Variants in SHCBP1L observed in about 807,000 individuals in gnomAD.
SHCBP1L encodes the protein SHC binding and spindle associated 1 like, also known as testicular spindle-associated protein SHCBP1L.
A neutral mutation model predicts 62.5 loss-of-function variants in SHCBP1L; 67 were observed. The ratio of observed to expected loss-of-function variants is 1.07; its 90% CI spans 0.88 to 1.31. The LOEUF (loss-of-function observed/expected upper bound fraction) is 1.31. Ranked by LOEUF, SHCBP1L falls within the 40% of genes most tolerant of loss-of-function variation. The pLI is 0.00. For missense variants in SHCBP1L, 823 were observed against 809.8 expected, an observed-to-expected ratio of 1.02 and a Z score of -0.20; for synonymous variants, 284 against 289.4, an observed-to-expected ratio of 0.98 and a Z score of 0.19.
At chr1:182,952,470 T>G (rs1348547135) in intron 1 of SHCBP1L, 1 of 433,040 alleles carries the variant, frequency 2.3e-6, no homozygotes, top group Admixed American at 4.3e-5. Flanking sequence ...TTAGGAGCTC[T>G]CAGAAAATTC....
At chr1:182,946,474 A>G (rs996669264) in intron 2 of SHCBP1L, among the ~76,000 whole-genome samples, 3 of 151,598 alleles carry the variant, frequency 2.0e-5, no homozygotes, top group African/African-American at 7.3e-5. Context: ...GATATGCCTT[A>G]GCTGCCTGTG....
rs1289574350 is a variant in SHCBP1L at position 182,924,784 on chromosome 1, GAA to G, written c.1182+4861_1182+4862del. On this transcript the variant is annotated intron_variant, in intron 6 of 9. Coordinates refer to ENST00000367547, the MANE Select transcript of SHCBP1L (RefSeq NM_030933.4). ...AGAAAGAAAGAAAGAAAGAAAGAAAGAAAGAGAGAAAGAAAGGAAGGAAGGAA... is the reference window on the plus strand; with the variant it reads ...AGAAAGAAAGAAAGAAAGAAAGAAAGAGAGAGAAAGAAAGGAAGGAAGGAA... Among the ~76,000 whole-genome samples, 185 of 96,408 alleles carry G rather than the reference GAA, an allele frequency of 1.9e-3. 9 individuals carry two copies. The highest frequency in any genetic ancestry group is 9.3e-3 in the African/African-American group (134 of 14,452). 63.2% of individuals were successfully genotyped at this position (96,408 alleles called of 152,430 possible).
intron 5 of SHCBP1L, among the ~76,000 whole-genome samples, 165 bp from the exon 6 acceptor site, chr1:182,929,917 A>G (rs1000604470): frequency 1.3e-5 from 2 of 152,218 alleles, no homozygotes; most frequent in African/African-American, 4.8e-5. Flanking sequence ...AATGATTCAG[A>G]TCTTTTAGAT....
chr1:182,930,737 T>TA (rs1650971428), intron 5 of SHCBP1L, among the ~76,000 whole-genome samples: 2 of 115,874 alleles, frequency 1.7e-5, no homozygotes, highest in Non-Finnish European at 3.6e-5. Context: ...ATTTTTTTTT[T>TA]TTTTTTTTTT....
rs1651848958 is a variant in SHCBP1L, at chr1:182,953,053, G to A, written c.81C>T (p.Ala27=). 1.3e-6 allele frequency: 2 copies of A among 1,546,904 alleles called. No homozygotes were observed. The highest frequency in any genetic ancestry group is 1.7e-6 in the Non-Finnish European group (2 of 1,151,988). Residue 27 remains alanine (A), a synonymous_variant, in exon 1 of 10, where the codon GCC becomes GCT. Coordinates refer to ENST00000367547, the MANE Select transcript of SHCBP1L (RefSeq NM_030933.4). ...CCGCCGTGTCCCCGGAGACAGCGGAGGCGGACTTCTCGCCTCGCCTGTCCG... is the reference window on the plus strand; with the variant it reads ...CCGCCGTGTCCCCGGAGACAGCGGAAGCGGACTTCTCGCCTCGCCTGTCCG... ...ISPDRRGEKS[A]SAVSGDTAAA...
At chr1:182,940,182 T>G (rs1651310370) in intron 3 of SHCBP1L, 147 bp downstream of exon 3, 1 of 574,606 alleles carries the variant, frequency 1.7e-6, no homozygotes, top group African/African-American at 1.9e-5. Flanking sequence ...AAATACAATA[T>G]GTTAATTTAA....
intron 6 of SHCBP1L, among the ~76,000 whole-genome samples, chr1:182,926,293 G>A (rs778014241): frequency 6.6e-6 from 1 of 152,190 alleles, no homozygotes; most frequent in Non-Finnish European, 1.5e-5. Context: ...CAGTAGTACA[G>A]ATGGAAGAAA....
chr1:182,912,462 G>T (rs764746991), intron 6 of SHCBP1L, among the ~76,000 whole-genome samples: 2 of 151,926 alleles, frequency 1.3e-5, no homozygotes, highest in Non-Finnish European at 2.9e-5. Context: ...GGGCATGGGA[G>T]CTCTGTGTAC....
intron 7 of SHCBP1L, 76 bp downstream of exon 7, chr1:182,905,420 A>AT: frequency 7.2e-7 from 1 of 1,381,958 alleles, no homozygotes; most frequent in South Asian, 1.4e-5. Flanking sequence ...CAATAATTCC[A>AT]TTAAGCATGT....
chr1:182,926,026 T>C (rs1650734111), intron 6 of SHCBP1L, among the ~76,000 whole-genome samples: 1 of 152,086 alleles, frequency 6.6e-6, no homozygotes, highest in African/African-American at 2.4e-5. Flanking sequence ...AGACAGCAGA[T>C]TGTTGGTTGT....
chr1:182,913,465 G>T (rs1650253353), intron 6 of SHCBP1L, among the ~76,000 whole-genome samples: 1 of 152,162 alleles, frequency 6.6e-6, no homozygotes, highest in Non-Finnish European at 1.5e-5. Flanking sequence ...GGTCACAGAA[G>T]TTTTCTGTAT....
intron 6 of SHCBP1L, among the ~76,000 whole-genome samples, chr1:182,924,553 T>C (rs893065151): frequency 2.0e-5 from 3 of 151,194 alleles, no homozygotes; most frequent in African/African-American, 7.3e-5. Context: ...GCCTTGGCCT[T>C]CCAAAGTGCT....
chr1:182,939,070 A>G lies in SHCBP1L; in HGVS notation c.1076+106T>C, dbSNP rs1651267776. On this transcript the variant is annotated intron_variant, in intron 5 of 9. Coordinates refer to ENST00000367547, the MANE Select transcript of SHCBP1L (RefSeq NM_030933.4). ...GCTTACCTCATAAATTAGACATCTA[A>G]TTTTATACTTCACTTTAATCAGAAC... 7.0e-6 allele frequency: 6 copies of G among 861,806 alleles called. No individual in the cohort carries two copies. The South Asian group carries it at 1.1e-4, about 16-fold the overall frequency. The allele number at this position is 861,806 out of a possible 1,614,324, so 53.4% of individuals were successfully genotyped here. A position where few individuals can be genotyped will look rare whatever the true frequency, so the allele number is the denominator to read the frequency against.
chr1:182,946,743 T>C (rs1651580416), intron 2 of SHCBP1L, among the ~76,000 whole-genome samples: 1 of 152,250 alleles, frequency 6.6e-6, no homozygotes, highest in Non-Finnish European at 1.5e-5. Context: ...TCTTTTGTTA[T>C]AGTCCAACAT....
At chr1:182,948,755 T>C (rs1231488890) in intron 2 of SHCBP1L, among the ~76,000 whole-genome samples, 1 of 152,154 alleles carries the variant, frequency 6.6e-6, no homozygotes, top group Non-Finnish European at 1.5e-5. Context: ...CCCATAGGAA[T>C]AAATTATTGT....
intron 2 of SHCBP1L, among the ~76,000 whole-genome samples, chr1:182,951,076 A>G (rs1252966636): frequency 6.6e-6 from 1 of 152,222 alleles, no homozygotes; most frequent in African/African-American, 2.4e-5. Context: ...TTTTTACATT[A>G]GTTGAGCAAA....
intron 5 of SHCBP1L, among the ~76,000 whole-genome samples, chr1:182,934,766 A>G (rs1188580052): frequency 6.6e-6 from 1 of 152,150 alleles, no homozygotes; most frequent in Non-Finnish European, 1.5e-5. Flanking sequence ...ACACAAGATT[A>G]TCTATAATTT....
intron 6 of SHCBP1L, among the ~76,000 whole-genome samples, chr1:182,919,442 G>A (rs1226447439): frequency 6.6e-6 from 1 of 152,150 alleles, no homozygotes; most frequent in East Asian, 1.9e-4. Flanking sequence ...CCATTTGTGA[G>A]GGCCCTATCC....
At chr1:182,940,965 C>A (rs541841663) in intron 2 of SHCBP1L, among the ~76,000 whole-genome samples, 2 of 151,898 alleles carry the variant, frequency 1.3e-5, no homozygotes, top group African/African-American at 4.8e-5. Flanking sequence ...CATCCTCTTA[C>A]CTCAGCCTCC....
Sources: allele counts gnomAD v4.1 joint callset (sites outside exome capture counted in the v4.1 genomes callset), GRCh38; gene constraint gnomAD v4.1.1; transcripts MANE v1.5; gene names NCBI Gene and HGNC (gene_info 2026-07-23, HGNC 2026-07-21).